The following OR5A1 variants were observed in gnomAD, a reference collection of about 807,000 sequenced individuals.
OR5A1 encodes olfactory receptor family 5 subfamily A member 1, also known as olfactory receptor 5A1.
In OR5A1, 6 loss-of-function variants were observed where a neutral mutation model predicts 6.7. That is an observed-to-expected ratio of 0.89 (90% CI 0.49 to 1.76). The LOEUF (loss-of-function observed/expected upper bound fraction) is 1.76, where lower values mean the gene tolerates loss of function less well. Among genes scored for constraint, OR5A1 ranks in the 40% most tolerant of loss-of-function variants. OR5A1 has a pLI of 0.01. For synonymous variants in OR5A1, 170 were observed against 155.0 expected, an observed-to-expected ratio of 1.10 and a Z score of -0.72; for missense variants, 378 against 381.7, an observed-to-expected ratio of 0.99 and a Z score of 0.08.
chr11:59,437,736 G>A (rs1858435622), intron 1 of OR5A1, among the ~76,000 whole-genome samples: 3 of 152,284 alleles, frequency 2.0e-5, no homozygotes, highest in African/African-American at 7.2e-5. Flanking sequence ...TTACATACAA[G>A]TTTGTTGTCT....
intron 1 of OR5A1, among the ~76,000 whole-genome samples, chr11:59,441,934 G>GAGATGAT (rs1409340029): frequency 7.0e-6 from 1 of 142,048 alleles, no homozygotes; most frequent in Admixed American, 7.4e-5. Context: ...GATGGATAGA[G>GAGATGAT]AGATGATAGA....
rs1858536530 is a variant in OR5A1, at chr11:59,445,444, A to G, written c.*1328A>G. ...TTTGGGTTGATTCCATGTCTTTGCT[A>G]TTGTGAATAGTGCTGCAATGAACAT... On this transcript the variant is annotated 3_prime_UTR_variant, in exon 2 of 2. Transcript: ENST00000641045. The G allele has an allele frequency of 6.6e-6, 1 of 152,144 alleles. No homozygotes were observed. The highest frequency in any genetic ancestry group is 2.1e-4 in the South Asian group (1 of 4,826). The allele number at this position is 152,144 out of a possible 1,614,324, so 9.4% of individuals were successfully genotyped here.
chr11:59,444,317 C>CTAAAAAA lies in OR5A1; in HGVS notation c.*201_*202insTAAAAAA. The CTAAAAAA allele has an allele frequency of 1.7e-5, 1 of 59,166 alleles. No homozygotes were observed. Among genetic ancestry groups the CTAAAAAA allele is most frequent in the Non-Finnish European group, 3.5e-5 (1 of 28,336 alleles). 3.7% of individuals were successfully genotyped at this position (59,166 alleles called of 1,614,324 possible). The stretch of plus-strand genomic sequence containing the variant: ...TAGCCAAAAAGGGAAGGAATTTCTT[C>CTAAAAAA]AGAAAAAAAAAAAAAAAAAAAAGAA... On this transcript the variant is annotated 3_prime_UTR_variant, in exon 2 of 2. Transcript: ENST00000641045.
rs892149434 is a variant in OR5A1, at chr11:59,446,808, C to A, written c.*2692C>A. On this transcript the variant is annotated 3_prime_UTR_variant, in exon 2 of 2. Transcript: ENST00000641045. ...GCTACTTGTAACGCATTCACTTTTC[C>A]ATTGATGTAGGTCAATTGGATAAGT... 3 of 152,170 alleles carry A rather than the reference C, an allele frequency of 2.0e-5. No individual in the cohort carries two copies. Among genetic ancestry groups the A allele is most frequent in the Non-Finnish European group, 4.4e-5 (3 of 68,034 alleles). 9.4% of individuals were successfully genotyped at this position (152,170 alleles called of 1,614,324 possible). A position where few individuals can be genotyped will look rare whatever the true frequency, so the allele number is the denominator to read the frequency against.
chr11:59,444,853 A>C lies in OR5A1; in HGVS notation c.*737A>C, dbSNP rs1306605130. The stretch of plus-strand genomic sequence containing the variant: ...GCTGCCATTTCTCTCTTTCTCAGCT[A>C]TGTAAGGGCTGGGAAATTTGAGTCC... On this transcript the variant is annotated 3_prime_UTR_variant, in exon 2 of 2. Coordinates refer to ENST00000641045, the MANE Select transcript of OR5A1 (RefSeq NM_001004728.2). 2 of 152,126 alleles carry C rather than the reference A, an allele frequency of 1.3e-5. No individual in the cohort carries two copies. The highest frequency in any genetic ancestry group is 1.3e-4 in the Admixed American group (2 of 15,280). 9.4% of individuals were successfully genotyped at this position (152,126 alleles called of 1,614,324 possible).
intron 1 of OR5A1, among the ~76,000 whole-genome samples, chr11:59,439,693 G>A (rs1664090685): frequency 6.6e-6 from 1 of 152,058 alleles, no homozygotes; most frequent in African/African-American, 2.4e-5. Flanking sequence ...CTGTTTCTGG[G>A]ACTGGGAAAT....
Position 59,442,383 on chromosome 11 carries a change from G to A in OR5A1, c.-33-753G>A, listed in dbSNP as rs140882908. On this transcript the variant is annotated intron_variant, in intron 1 of 1. Transcript: ENST00000641045. ...CTTGAACCCAGGAGGCGGAGGTTGC[G>A]GTGACCTGAGATACTGCCATTGCAC... Among the ~76,000 whole-genome samples the A allele has an allele frequency of 8.4e-4, 127 of 152,066 alleles. 2 individuals are homozygous for A. The East Asian group carries it at 0.018, about 22-fold the overall frequency.
rs559230548 is a variant in OR5A1 at position 59,448,099 on chromosome 11, T to A, written c.*3983T>A. 6.6e-6 allele frequency: 1 copy of A among 152,262 alleles called. No homozygotes were observed. The highest frequency in any genetic ancestry group is 2.4e-5 in the African/African-American group (1 of 41,548). 9.4% of individuals were successfully genotyped at this position (152,262 alleles called of 1,614,324 possible). A position where few individuals can be genotyped will look rare whatever the true frequency, so the allele number is the denominator to read the frequency against. ...TTAATGTGTTAAGGAAGTTTACAAA[T>A]TTGTATTGGTCCACATTCAAAGCCG... On this transcript the variant is annotated 3_prime_UTR_variant, in exon 2 of 2. Transcript: ENST00000641045.
chr11:59,439,331 A>C (rs1313861924), intron 1 of OR5A1, among the ~76,000 whole-genome samples: 3 of 151,394 alleles, frequency 2.0e-5, no homozygotes, highest in African/African-American at 4.9e-5. Context: ...TGTAGTTCAC[A>C]AAGATGCTGG....
rs150073749 is a variant in OR5A1 at position 59,443,541 on chromosome 11, C to A, written c.373C>A (p.Arg125=). 9.9e-6 allele frequency: 16 copies of A among 1,614,006 alleles called. No homozygotes were observed. Among genetic ancestry groups the A allele is most frequent in the African/African-American group, 5.3e-5 (4 of 74,976 alleles). ...CCTCCTGACTGCTATGGCATACGAC[C>A]GATATGCAGCCATCTCCAGCCCCCT... ...CLLLTAMAYD[R]YAAISSPLLY... is the part of the protein sequence containing the mutation. Residue 125 remains arginine, a synonymous_variant, in exon 2 of 2, where the codon CGA becomes AGA. Transcript: ENST00000641045.
intron 1 of OR5A1, among the ~76,000 whole-genome samples, chr11:59,441,347 C>CT (rs558840900): frequency 6.6e-6 from 1 of 151,814 alleles, no homozygotes; most frequent in Non-Finnish European, 1.5e-5. Context: ...GTTCAGTTTC[C>CT]TTTTTTTTAT....
rs117092432 is a variant in OR5A1, at chr11:59,447,435, T to C, written c.*3319T>C. 6.6e-6 allele frequency: 1 copy of C among 152,182 alleles called. No homozygotes were observed. The highest frequency in any genetic ancestry group is 2.4e-5 in the African/African-American group (1 of 41,436). The allele number at this position is 152,182 out of a possible 1,614,324, so 9.4% of individuals were successfully genotyped here. A position where few individuals can be genotyped will look rare whatever the true frequency, so the allele number is the denominator to read the frequency against. ...GGCTAGTGTATGAAACTGCAACAATTAGGCCAGTAAAATTTTAGGAATGAA... is the reference window on the plus strand; with the variant it reads ...GGCTAGTGTATGAAACTGCAACAATCAGGCCAGTAAAATTTTAGGAATGAA... On this transcript the variant is annotated 3_prime_UTR_variant, in exon 2 of 2. Coordinates refer to ENST00000641045, the MANE Select transcript of OR5A1 (RefSeq NM_001004728.2).
rs1036831020 is a variant in OR5A1, at chr11:59,444,328, A to G, written c.*212A>G. ...GGAAGGAATTTCTTCAGAAAAAAAA[A>G]AAAAAAAAAAAGAACCTCCCCAGGA... On this transcript the variant is annotated 3_prime_UTR_variant, in exon 2 of 2. Transcript: ENST00000641045. 6.6e-5 allele frequency: 24 copies of G among 365,202 alleles called. No homozygotes were observed. The highest frequency in any genetic ancestry group is 1.0e-4 in the Non-Finnish European group (21 of 200,178). 22.6% of individuals were successfully genotyped at this position (365,202 alleles called of 1,614,324 possible). A position where few individuals can be genotyped will look rare whatever the true frequency, so the allele number is the denominator to read the frequency against.
rs1478063779 is a variant in OR5A1 at position 59,450,269 on chromosome 11, G to C, written c.*6153G>C. 1 of 152,158 alleles carries C rather than the reference G, an allele frequency of 6.6e-6. No homozygotes were observed. The highest frequency in any genetic ancestry group is 1.5e-5 in the Non-Finnish European group (1 of 68,028). 9.4% of individuals were successfully genotyped at this position (152,158 alleles called of 1,614,324 possible). On this transcript the variant is annotated 3_prime_UTR_variant, in exon 2 of 2. Coordinates refer to ENST00000641045, the MANE Select transcript of OR5A1 (RefSeq NM_001004728.2). ...TAGTCCAGAACCTTCTAAGGTGATT[G>C]ACCAGAAGAGTAGGTGGAATAATGT... is the stretch of plus-strand genomic sequence containing the variant.
At position 59,450,108 on chromosome 11, in the gene OR5A1, G is replaced by C. The variant is rs10750921; in HGVS notation, c.*5992G>C. On this transcript the variant is annotated 3_prime_UTR_variant, in exon 2 of 2. Transcript: ENST00000641045. ...GTTAACTTGCTCCGGGTCACAAGAG[G>C]CACAGTTTAAAATACTGGAACCTGA... The C allele has an allele frequency of 0.92, 140,425 of 152,250 alleles. 65,347 individuals carry two copies. The highest frequency in any genetic ancestry group is 0.99 in the Non-Finnish European group (67,316 of 68,040). 9.4% of individuals were successfully genotyped at this position (152,250 alleles called of 1,614,324 possible). A position where few individuals can be genotyped will look rare whatever the true frequency, so the allele number is the denominator to read the frequency against.
In OR5A1 at chr11:59,444,836, TTC is replaced by T. The variant is rs1239136907; in HGVS notation, c.*726_*727del. On this transcript the variant is annotated 3_prime_UTR_variant, in exon 2 of 2. Transcript: ENST00000641045. The stretch of plus-strand genomic sequence containing the variant: ...GAAGGACATTCCCCTTGGCTGCCAT[TTC>T]TCTCTTTCTCAGCTATGTAAGGGCT... 6.6e-6 allele frequency: 1 copy of T among 152,190 alleles called. No homozygotes were observed. Among genetic ancestry groups the T allele is most frequent in the Non-Finnish European group, 1.5e-5 (1 of 68,032 alleles). The allele number at this position is 152,190 out of a possible 1,614,324, so 9.4% of individuals were successfully genotyped here. A position where few individuals can be genotyped will look rare whatever the true frequency, so the allele number is the denominator to read the frequency against.
chr11:59,443,914 T>A lies in OR5A1; in HGVS notation c.746T>A (p.Met249Lys), dbSNP rs1554968920. The change falls in exon 2 of 2, where the codon ATG (methionine) becomes AAG (lysine). Residue 249 changes from methionine to lysine, a missense_variant. Met to Lys is a moderately conservative substitution (Grantham distance 95, BLOSUM62 -1). Coordinates refer to ENST00000641045, the MANE Select transcript of OR5A1 (RefSeq NM_001004728.2). ...KACNTCASHL[M>K]VVTLLFGTAL... The stretch of plus-strand genomic sequence containing the variant: ...TGCAACACGTGTGCCTCGCATCTGA[T>A]GGTGGTGACTCTGCTGTTTGGGACA... The A allele has an allele frequency of 6.8e-6, 11 of 1,614,104 alleles. No individual in the cohort carries two copies. Among genetic ancestry groups the A allele is most frequent in the African/African-American group, 1.3e-5 (1 of 74,996 alleles).
rs1382466866 is a variant in OR5A1, at chr11:59,448,719, G to A, written c.*4603G>A. 6.6e-6 allele frequency: 1 copy of A among 151,998 alleles called. No individual in the cohort carries two copies. The highest frequency in any genetic ancestry group is 1.5e-5 in the Non-Finnish European group (1 of 68,012). 9.4% of individuals were successfully genotyped at this position (151,998 alleles called of 1,614,324 possible). A position where few individuals can be genotyped will look rare whatever the true frequency, so the allele number is the denominator to read the frequency against. The stretch of plus-strand genomic sequence containing the variant: ...CATGCTTGAGGGTGGGGTCACATCT[G>A]TCTCTTCACAAATATATTCTCAGCA... On this transcript the variant is annotated 3_prime_UTR_variant, in exon 2 of 2. Transcript: ENST00000641045.
At position 59,443,352 on chromosome 11, in the gene OR5A1, A is replaced by T; in HGVS notation, c.184A>T (p.Met62Leu). The T allele has an allele frequency of 6.2e-7, 1 of 1,613,746 alleles. No individual in the cohort carries two copies. Among genetic ancestry groups the T allele is most frequent in the Non-Finnish European group, 8.5e-7 (1 of 1,179,990 alleles). The change falls in exon 2 of 2, where the codon ATG (methionine) becomes TTG (leucine). Residue 62 changes from methionine to leucine, a missense_variant. By Grantham distance (15) the Met-to-Leu change is conservative. Coordinates refer to ENST00000641045, the MANE Select transcript of OR5A1 (RefSeq NM_001004728.2). ...IRGDTHLHTP[M>L]YFFLSNLSFI... ...AGGTGACACCCATCTGCACACACCC[A>T]TGTACTTCTTCCTAAGCAACTTATC...
Sources: allele counts gnomAD v4.1 joint callset (sites outside exome capture counted in the v4.1 genomes callset), GRCh38; gene constraint gnomAD v4.1.1; transcripts MANE v1.5; gene names NCBI Gene and HGNC (gene_info 2026-07-23, HGNC 2026-07-21).